Variants in ANK2 observed in about 807,000 individuals in gnomAD.
The protein encoded by ANK2 is ankyrin-2.
A neutral mutation model predicts 360.5 loss-of-function variants in ANK2; 83 were observed. The observed-to-expected ratio is 0.23, with a 90% CI of 0.19 to 0.28. ANK2 has a LOEUF of 0.28. ANK2 is among the 10% of genes least tolerant of loss of function. ANK2 has a pLI of 1.00. For synonymous variants in ANK2, 1,740 were observed against 1,759.5 expected (o/e 0.99, Z 0.28); for missense variants, 4,201 against 4,795.7 (o/e 0.88, Z 3.66).
chr4:113,118,133 A>G (rs1223130797), intron 1 of ANK2, among the ~76,000 whole-genome samples: 5 of 152,198 alleles, frequency 3.3e-5, no homozygotes, highest in African/African-American at 9.6e-5. Context: ...CTCTTAAAAT[A>G]TTGTTTTCCT....
chr4:113,107,616 A>G (rs1476006449), intron 1 of ANK2, among the ~76,000 whole-genome samples: 5 of 152,184 alleles, frequency 3.3e-5, no homozygotes, highest in Non-Finnish European at 7.3e-5. Context: ...CACACACACT[A>G]TCTCTGGGGA....
intron 2 of ANK2, among the ~76,000 whole-genome samples, chr4:113,182,488 G>C (rs1324454578): frequency 1.3e-5 from 2 of 152,186 alleles, no homozygotes; most frequent in African/African-American, 4.8e-5. Flanking sequence ...AATAGGTTCA[G>C]GGGCTTGGCC....
intron 2 of ANK2, among the ~76,000 whole-genome samples, chr4:112,992,944 A>G (rs1181192521): frequency 6.6e-6 from 1 of 152,184 alleles, no homozygotes; most frequent in Non-Finnish European, 1.5e-5. Flanking sequence ...GAAAGTTTGA[A>G]TTAGTTGGCC....
intron 2 of ANK2, among the ~76,000 whole-genome samples, chr4:113,044,269 T>A (rs978579795): frequency 6.6e-6 from 1 of 152,174 alleles, no homozygotes; most frequent in Non-Finnish European, 1.5e-5. Context: ...CTCCACACAG[T>A]AATTCAGGGA....
At chr4:113,153,636 A>C (rs867545969) in intron 1 of ANK2, among the ~76,000 whole-genome samples, 1 of 152,206 alleles carries the variant, frequency 6.6e-6, no homozygotes, top group African/African-American at 2.4e-5. Flanking sequence ...TTGACAGACT[A>C]GATGATTAAT....
the ANK2 span, among the ~76,000 whole-genome samples, chr4:112,739,839 C>G: frequency 6.6e-6 from 1 of 151,746 alleles, no homozygotes. Context: ...TGGCGAAAAC[C>G]CATCTCTATT....
chr4:112,759,035 T>G, the ANK2 span, among the ~76,000 whole-genome samples: 2 of 152,186 alleles, frequency 1.3e-5, no homozygotes, highest in Admixed American at 1.3e-4. Flanking sequence ...CCTAAATATA[T>G]TTTACTCTCT....
chr4:113,157,723 C>T lies in ANK2; in HGVS notation c.85-16693C>T, dbSNP rs545633731. On this transcript the variant is annotated intron_variant, in intron 1 of 45. Transcript: ENST00000357077. ...GGAAGCAGCAGCCACTCCTATATGT[C>T]GGTCAACAGTGGAAAGGTATTTAGC... Among the ~76,000 whole-genome samples, 50 of 152,262 alleles carry T rather than the reference C, an allele frequency of 3.3e-4. No individual in the cohort carries two copies. The East Asian group carries it at 8.1e-3, about 25-fold the overall frequency.
chr4:113,241,582 C>T (rs2039963674), intron 8 of ANK2, among the ~76,000 whole-genome samples: 1 of 152,190 alleles, frequency 6.6e-6, no homozygotes, highest in Non-Finnish European at 1.5e-5. Flanking sequence ...TCAAGCAATC[C>T]TCCCACCTCA....
intron 1 of ANK2, among the ~76,000 whole-genome samples, chr4:113,124,970 A>G (rs1296691059): frequency 6.6e-6 from 1 of 151,968 alleles, no homozygotes; most frequent in African/African-American, 2.4e-5. Flanking sequence ...ATCTCTTTTA[A>G]AAAAAAATCA....
intron 26 of ANK2, chr4:113,323,712 C>T (rs1320878202): frequency 6.4e-7 from 1 of 1,564,908 alleles, no homozygotes; most frequent in Admixed American, 1.7e-5. Flanking sequence ...CCTTATATTT[C>T]ACTTTATCCG....
intron 1 of ANK2, among the ~76,000 whole-genome samples, chr4:112,838,745 TG>T (rs2061499759): frequency 6.6e-6 from 1 of 152,216 alleles, no homozygotes; most frequent in Non-Finnish European, 1.5e-5. Context: ...GGCGCATGCC[TG>T]TAATCCCAGC....
intron 2 of ANK2, among the ~76,000 whole-genome samples, chr4:112,957,686 C>T (rs1419915575): frequency 7.0e-3 from 864 of 122,656 alleles, no homozygotes; most frequent in African/African-American, 7.4e-3. Context: ...GCTGGCTGGG[C>T]GGGGGGCTGA....
At chr4:112,825,125 T>C (rs2058126852) in intron 1 of ANK2, among the ~76,000 whole-genome samples, 1 of 151,874 alleles carries the variant, frequency 6.6e-6, no homozygotes, top group Non-Finnish European at 1.5e-5. Context: ...CACTCATAGG[T>C]GGGAATTGAA....
At chr4:112,753,587 G>A in the ANK2 span, among the ~76,000 whole-genome samples, 2 of 152,078 alleles carry the variant, frequency 1.3e-5, no homozygotes, top group African/African-American at 4.8e-5. Flanking sequence ...CAAGATACGG[G>A]TCATAAAGAC....
intron 14 of ANK2, among the ~76,000 whole-genome samples, chr4:113,273,885 C>T (rs1248584484): frequency 6.6e-6 from 1 of 152,146 alleles, no homozygotes; most frequent in Non-Finnish European, 1.5e-5. Context: ...ATGCAAGTTC[C>T]AGAACTATCT....
At chr4:113,126,622 G>T (rs532827272) in intron 1 of ANK2, among the ~76,000 whole-genome samples, 1 of 152,234 alleles carries the variant, frequency 6.6e-6, no homozygotes, top group Non-Finnish European at 1.5e-5. Context: ...CCTGGGTGTG[G>T]GTGGGAGAGA....
At chr4:113,245,015 T>C (rs925023108) in intron 9 of ANK2, among the ~76,000 whole-genome samples, 2 of 152,228 alleles carry the variant, frequency 1.3e-5, no homozygotes, top group African/African-American at 2.4e-5. Flanking sequence ...CAGTCTATCA[T>C]TGATGGGCAT....
chr4:112,948,009 C>T (rs1466294689), intron 2 of ANK2, among the ~76,000 whole-genome samples: 1 of 152,230 alleles, frequency 6.6e-6, no homozygotes, highest in Non-Finnish European at 1.5e-5. Flanking sequence ...ACTCTTCCCT[C>T]CTTGACCCCT....
Sources: allele counts gnomAD v4.1 joint callset (sites outside exome capture counted in the v4.1 genomes callset), GRCh38; gene constraint gnomAD v4.1.1; transcripts MANE v1.5; gene names NCBI Gene and HGNC (gene_info 2026-07-23, HGNC 2026-07-21).